EIF4E3: variants seen among roughly 807,000 people sequenced by gnomAD.
EIF4E3 encodes the protein eukaryotic translation initiation factor 4E type 3.
EIF4E3 carries 26 observed loss-of-function variants against 31.7 expected under a neutral mutation model. That is an observed-to-expected ratio of 0.82 (90% CI 0.60 to 1.14). The LOEUF (loss-of-function observed/expected upper bound fraction) is 1.14. Among genes scored for constraint, EIF4E3 ranks in the 50% most tolerant of loss-of-function variants. The pLI, the probability that EIF4E3 is intolerant of heterozygous loss-of-function variation, is 0.00. For missense variants in EIF4E3, 304 were observed against 270.9 expected (o/e 1.12, Z -0.86); for synonymous variants, 128 against 107.7 (o/e 1.19, Z -1.17).
intron 1 of EIF4E3, among the ~76,000 whole-genome samples, chr3:71,741,251 T>G (rs756254411): frequency 6.6e-6 from 1 of 151,736 alleles, no homozygotes; most frequent in Non-Finnish European, 1.5e-5. Flanking sequence ...TAAGCAAAAG[T>G]AGGAGTTACA....
At chr3:71,754,521 C>G, upstream of EIF4E3, 1 of 1,317,300 alleles carries the variant, frequency 7.6e-7, no homozygotes, top group Non-Finnish European at 9.7e-7. The surrounding 1 kb of genome is among the most constrained non-coding windows in gnomAD (Gnocchi z 5.8). Flanking sequence ...GGCCTTCCCG[C>G]CAGTGCTGGA....
rs2048957882 is a variant in EIF4E3, at chr3:71,684,099, C to T, written c.*583G>A. 1.3e-5 allele frequency: 2 copies of T among 152,508 alleles called. No individual in the cohort carries two copies. The highest frequency in any genetic ancestry group is 4.8e-5 in the African/African-American group (2 of 41,416). 9.4% of individuals were successfully genotyped at this position (152,508 alleles called of 1,614,324 possible). A position where few individuals can be genotyped will look rare whatever the true frequency, so the allele number is the denominator to read the frequency against. ...AAAAGGAAAATTAAAGATTTGTGTG[C>T]TGTCAGTGCAAAATCACATTAAGTA... On this transcript the variant is annotated 3_prime_UTR_variant, in exon 7 of 7. Transcript: ENST00000425534.
At chr3:71,736,245 GT>G (rs1302306979) in intron 1 of EIF4E3, among the ~76,000 whole-genome samples, 2 of 152,126 alleles carry the variant, frequency 1.3e-5, no homozygotes. Context: ...CAGTTTGGCA[GT>G]TTATTACAAA....
At chr3:71,661,712 G>C in the EIF4E3 span, among the ~76,000 whole-genome samples, 2 of 152,202 alleles carry the variant, frequency 1.3e-5, no homozygotes, top group African/African-American at 2.4e-5. Flanking sequence ...AGGCATGATA[G>C]ACATCCTGAT....
intron 2 of EIF4E3, among the ~76,000 whole-genome samples, chr3:71,701,662 T>C (rs999764997): frequency 6.6e-6 from 1 of 152,110 alleles, no homozygotes; most frequent in African/African-American, 2.4e-5. Flanking sequence ...CTGAGTCACA[T>C]GGGTGGAATA....
intron 4 of EIF4E3, among the ~76,000 whole-genome samples, chr3:71,694,476 G>A (rs2049106777): frequency 6.6e-6 from 1 of 152,210 alleles, no homozygotes; most frequent in African/African-American, 2.4e-5. Flanking sequence ...TATGGCAGGC[G>A]ATAGAACTTT....
At chr3:71,752,863 C>T (rs1403403553) in intron 1 of EIF4E3, among the ~76,000 whole-genome samples, 5 of 152,184 alleles carry the variant, frequency 3.3e-5, no homozygotes, top group African/African-American at 9.7e-5. Flanking sequence ...CATGCAAGGT[C>T]CTGCGAGACA....
rs1442843625 is a variant in EIF4E3, at chr3:71,677,588, CATT to C, written c.*7091_*7093del. On this transcript the variant is annotated 3_prime_UTR_variant, in exon 7 of 7. Coordinates refer to ENST00000425534, the MANE Select transcript of EIF4E3 (RefSeq NM_001134651.2). ...ATCAGATGCAAATATGAGAGGGAAA[CATT>C]ATGAAATTTTAAAGCCTTCCTAGTG... The C allele has an allele frequency of 6.6e-6, 1 of 152,136 alleles. No individual in the cohort carries two copies. The highest frequency in any genetic ancestry group is 1.5e-5 in the Non-Finnish European group (1 of 68,020). 9.4% of individuals were successfully genotyped at this position (152,136 alleles called of 1,614,324 possible).
At chr3:71,674,088 T>A (rs938273363), downstream of EIF4E3, among the ~76,000 whole-genome samples, 6 of 97,476 alleles carry the variant, frequency 6.2e-5, no homozygotes, top group Non-Finnish European at 1.0e-4. Flanking sequence ...TCATCAACTG[T>A]ACTTTTTTTT....
upstream of EIF4E3, chr3:71,754,045 C>G (rs2049970090): frequency 2.4e-6 from 3 of 1,243,456 alleles, no homozygotes; most frequent in Admixed American, 3.8e-5. This position sits in a 1 kb window ranked among gnomAD's most constrained non-coding sequence, Gnocchi z 5.8. Flanking sequence ...CCTGGTGAGG[C>G]CGCGATGGCG....
At chr3:71,699,388 C>G (rs1440561389) in intron 3 of EIF4E3, among the ~76,000 whole-genome samples, 2 of 152,070 alleles carry the variant, frequency 1.3e-5, no homozygotes, top group Non-Finnish European at 2.9e-5. Flanking sequence ...GGATTTATTA[C>G]TAACTGGGAC....
At chr3:71,697,571 T>C (rs78457967) in intron 3 of EIF4E3, among the ~76,000 whole-genome samples, 4,420 of 152,126 alleles carry the variant, frequency 0.029, 91 homozygotes, top group African/African-American at 0.056. Flanking sequence ...CCCCCACAAC[T>C]TCCCAGCTCT....
intron 1 of EIF4E3, among the ~76,000 whole-genome samples, chr3:71,733,223 T>C (rs1351509192): frequency 1.3e-5 from 2 of 152,210 alleles, no homozygotes; most frequent in Admixed American, 6.5e-5. Flanking sequence ...GAGCGGGTCC[T>C]GGAGCACTGC....
chr3:71,738,641 G>A (rs1296099446), intron 1 of EIF4E3, among the ~76,000 whole-genome samples: 2 of 152,054 alleles, frequency 1.3e-5, no homozygotes, highest in Non-Finnish European at 2.9e-5. Flanking sequence ...CCGAACAAGA[G>A]AGGCTCAAAA....
intron 2 of EIF4E3, among the ~76,000 whole-genome samples, chr3:71,701,064 C>G (rs1035581869): frequency 1.3e-5 from 2 of 152,156 alleles, no homozygotes; most frequent in Non-Finnish European, 2.9e-5. Context: ...TGCCCATGCT[C>G]GCACCCTCAT....
chr3:71,707,609 C>T (rs542325549), intron 2 of EIF4E3, among the ~76,000 whole-genome samples: 1 of 152,114 alleles, frequency 6.6e-6, no homozygotes, highest in Non-Finnish European at 1.5e-5. Context: ...ATTTTTTTCA[C>T]TGTTCCCCCC....
At chr3:71,732,891 G>C (rs181496367) in intron 1 of EIF4E3, among the ~76,000 whole-genome samples, 20 of 152,342 alleles carry the variant, frequency 1.3e-4, no homozygotes, top group Non-Finnish European at 5.9e-5. Context: ...TAAAAAATGA[G>C]TGTGCCAATA....
chr3:71,730,708 T>C (rs1234938622), intron 1 of EIF4E3, among the ~76,000 whole-genome samples: 1 of 151,730 alleles, frequency 6.6e-6, no homozygotes, highest in East Asian at 1.9e-4. Context: ...GTCTTCCTTC[T>C]TTTTTTCTTT....
At chr3:71,724,548 C>T (rs2049599926) in intron 1 of EIF4E3, among the ~76,000 whole-genome samples, 1 of 152,194 alleles carries the variant, frequency 6.6e-6, no homozygotes, top group Non-Finnish European at 1.5e-5. Flanking sequence ...CCATAATTCA[C>T]CCCCTTCCTG....
Sources: gnomAD v4.1 joint callset for allele counts (sites outside exome capture counted in the v4.1 genomes callset) on GRCh38, gnomAD v4.1.1 for gene constraint, Gnocchi (gnomAD v3.1) non-coding constraint, MANE v1.5 for transcripts, NCBI Gene and HGNC (gene_info 2026-07-23, HGNC 2026-07-21) for gene names.